The following COL4A2 variants were observed in gnomAD, a reference collection of about 807,000 sequenced individuals.
COL4A2 encodes collagen type IV alpha 2 chain.
Under a neutral mutation model 200.2 loss-of-function variants are expected in COL4A2, and 99 were observed. The ratio of observed to expected loss-of-function variants is 0.49; its 90% CI spans 0.42 to 0.58. COL4A2 has a LOEUF of 0.58. Ranked by LOEUF, COL4A2 falls within the 20% of genes least tolerant of loss-of-function variation. The probability of loss-of-function intolerance (pLI) is 0.00; values close to 1 mark genes in which losing one functional copy is unlikely to be tolerated. For synonymous variants in COL4A2, 897 were observed against 900.6 expected (o/e 1.00, Z 0.07); for missense variants, 1,950 against 2,314.1 (o/e 0.84, Z 3.23).
intron 4 of COL4A2, among the ~76,000 whole-genome samples, chr13:110,374,549 C>T (rs1305446869): frequency 6.6e-6 from 1 of 152,244 alleles, no homozygotes; most frequent in Admixed American, 6.5e-5. Context: ...TTTTCCCCAT[C>T]TGTTTGCGTT....
intron 4 of COL4A2, among the ~76,000 whole-genome samples, chr13:110,407,135 T>C (rs1879602989): frequency 6.6e-6 from 1 of 152,204 alleles, no homozygotes; most frequent in East Asian, 1.9e-4. Flanking sequence ...ATAATTGATA[T>C]TTACTTGCAT....
rs74941798 is a variant in COL4A2 at position 110,449,779 on chromosome 13, C to T, written c.1179C>T (p.Ile393=). ...PGLPGPPGLS[I]GDGDQRRGLP... is the part of the protein sequence containing the mutation. Reference sequence around the variant, plus strand: ...TCCCAGGTCCCCCTGGCCTCTCCATCGGAGATGGAGGTAATGTGGCTTCAT... The same window carrying T: ...TCCCAGGTCCCCCTGGCCTCTCCATTGGAGATGGAGGTAATGTGGCTTCAT... Residue 393 remains isoleucine (I), a synonymous_variant, in exon 19 of 48, where the codon ATC becomes ATT. Transcript: ENST00000360467. 586,327 of 1,547,352 alleles carry T rather than the reference C, an allele frequency of 0.38. 116,175 individuals are homozygous for T. The highest frequency in any genetic ancestry group is 0.41 in the Non-Finnish European group (469,715 of 1,146,126).
intron 3 of COL4A2, among the ~76,000 whole-genome samples, chr13:110,349,800 G>A (rs1050251752): frequency 3.3e-5 from 5 of 151,056 alleles, no homozygotes; most frequent in African/African-American, 4.9e-5. Context: ...GTCTCACTCC[G>A]TCACCCAGGC....
chr13:110,391,716 G>A (rs372724097), intron 4 of COL4A2, among the ~76,000 whole-genome samples: 1 of 152,198 alleles, frequency 6.6e-6, no homozygotes, highest in Admixed American at 6.5e-5. Context: ...TCGTCATTGG[G>A]ATTCGAGGTA....
At chr13:110,426,760 A>C (rs754724483) in intron 6 of COL4A2, among the ~76,000 whole-genome samples, 1 of 152,240 alleles carries the variant, frequency 6.6e-6, no homozygotes, top group Non-Finnish European at 1.5e-5. Context: ...ACGGCAGACA[A>C]ATAATAGAGA....
chr13:110,439,540 G>T (rs974405256), intron 15 of COL4A2, among the ~76,000 whole-genome samples: 4 of 152,108 alleles, frequency 2.6e-5, no homozygotes, highest in African/African-American at 9.7e-5. Flanking sequence ...TGCTTTCTTC[G>T]AGCCTTTTTA....
At chr13:110,430,954 G>A in intron 10 of COL4A2, 1 of 481,440 alleles carries the variant, frequency 2.1e-6, no homozygotes, top group South Asian at 1.6e-5. Context: ...GGTTCATAAG[G>A]AGGAAATGGA....
chr13:110,501,537 G>A, intron 40 of COL4A2, 131 bp from the exon 41 acceptor site: 1 of 840,534 alleles, frequency 1.2e-6, no homozygotes, highest in Admixed American at 2.0e-5. Flanking sequence ...TCCTTGGCCT[G>A]AGGGCACCTC....
At position 110,318,230 on chromosome 13, in the gene COL4A2, C is replaced by G. The variant is rs577368602; in HGVS notation, c.99+10107C>G. ...GATGCTGCTAGGAATAATTCACTCA[C>G]GAGTTCTAGAACACCATGGACTCGT... On this transcript the variant is annotated intron_variant, in intron 3 of 47. Coordinates refer to ENST00000360467, the MANE Select transcript of COL4A2 (RefSeq NM_001846.4). 7.9e-5 allele frequency among the ~76,000 whole-genome samples: 12 copies of G among 152,296 alleles called. No individual in the cohort carries two copies. In the South Asian group the frequency reaches 2.5e-3, roughly 32 times the overall value.
rs987716197 is a variant in COL4A2 at position 110,493,832 on chromosome 13, G to A, written c.3634+550G>A. Among the ~76,000 whole-genome samples, 5 of 152,132 alleles carry A rather than the reference G, an allele frequency of 3.3e-5. No individual in the cohort carries two copies. The East Asian group carries it at 5.8e-4, about 18-fold the overall frequency. ...GTGGTCGGGTTCTGGGGGGGGCCGCGTCCTGGCTGCTCGCTGTGTCCTCAC... is the reference window on the plus strand; with the variant it reads ...GTGGTCGGGTTCTGGGGGGGGCCGCATCCTGGCTGCTCGCTGTGTCCTCAC... On this transcript the variant is annotated intron_variant, in intron 39 of 47. Transcript: ENST00000360467.
At position 110,438,601 on chromosome 13, in the gene COL4A2, C is replaced by G. The variant is rs1378187858; in HGVS notation, c.862-17C>G. On this transcript the variant is annotated splice_polypyrimidine_tract_variant and intron_variant, in intron 14 of 47. Coordinates refer to ENST00000360467, the MANE Select transcript of COL4A2 (RefSeq NM_001846.4). ...CGCCCCTGGGTTGCTCCTTACGCCC[C>G]CTCTGCTCTCTCCTAGGGCATTTCC... 2 of 1,614,210 alleles carry G rather than the reference C, an allele frequency of 1.2e-6. No individual in the cohort carries two copies. Among genetic ancestry groups the G allele is most frequent in the Non-Finnish European group, 1.7e-6 (2 of 1,180,038 alleles).
intron 17 of COL4A2, among the ~76,000 whole-genome samples, chr13:110,446,485 A>G (rs1057254098): frequency 5.3e-5 from 8 of 152,306 alleles, no homozygotes; most frequent in Middle Eastern, 6.8e-3. Flanking sequence ...CGGCTCGGCT[A>G]TCACTACCCA....
intron 3 of COL4A2, among the ~76,000 whole-genome samples, chr13:110,347,490 T>G (rs1594161040): frequency 6.6e-6 from 1 of 152,342 alleles, no homozygotes; most frequent in East Asian, 1.9e-4. Flanking sequence ...ATGTTCCCAG[T>G]TGGCCCCTCA....
chr13:110,380,857 C>A (rs1403860575), intron 4 of COL4A2, among the ~76,000 whole-genome samples: 1 of 148,788 alleles, frequency 6.7e-6, no homozygotes, highest in Non-Finnish European at 1.5e-5. Flanking sequence ...AGCTCTATCT[C>A]ACACCCACGG....
In COL4A2 at chr13:110,503,838, C is replaced by G; in HGVS notation, c.4139-9C>G. ...TGTGTTTACTGGGGCCTCTCTGTTT[C>G]CCTTCCAGGTGCCCCCGGGACTGTG... On this transcript the variant is annotated splice_polypyrimidine_tract_variant and intron_variant, in intron 43 of 47. Coordinates refer to ENST00000360467, the MANE Select transcript of COL4A2 (RefSeq NM_001846.4). 2.5e-6 allele frequency: 4 copies of G among 1,613,928 alleles called. No individual in the cohort carries two copies. Among genetic ancestry groups the G allele is most frequent in the Non-Finnish European group, 3.4e-6 (4 of 1,179,876 alleles).
rs1343956258 is a variant in COL4A2, at chr13:110,503,910, C to T, written c.4202C>T (p.Pro1401Leu). The change falls in exon 44 of 48, where the codon CCA (proline) becomes CTA (leucine). Residue 1401 changes from proline to leucine, a missense_variant. Coordinates refer to ENST00000360467, the MANE Select transcript of COL4A2 (RefSeq NM_001846.4). The stretch of plus-strand genomic sequence containing the variant: ...ATCCCCCAGAAGATTGCCGTCCAAC[C>T]AGGGACAGTGGGTCCCCAGGGGAGG... Reference protein sequence around the residue: ...AGIPQKIAVQPGTVGPQGRRG... With the variant: ...AGIPQKIAVQLGTVGPQGRRG... 3 of 1,612,686 alleles carry T rather than the reference C, an allele frequency of 1.9e-6. No individual in the cohort carries two copies. The highest frequency in any genetic ancestry group is 2.2e-5 in the East Asian group (1 of 44,828).
At chr13:110,464,071 G>T (rs1039585647) in intron 24 of COL4A2, among the ~76,000 whole-genome samples, 1 of 152,192 alleles carries the variant, frequency 6.6e-6, no homozygotes, top group Admixed American at 6.5e-5. Flanking sequence ...GGTGTGTGGT[G>T]TGCTCATGTG....
intron 4 of COL4A2, among the ~76,000 whole-genome samples, chr13:110,393,843 C>CA (rs1879086708): frequency 6.6e-6 from 1 of 152,184 alleles, no homozygotes; most frequent in South Asian, 2.1e-4. Context: ...CGCACCACTG[C>CA]ACTCCAGCCT....
Position 110,358,203 on chromosome 13 carries a change from A to T in COL4A2, c.180+651A>T, listed in dbSNP as rs535364216. Among the ~76,000 whole-genome samples the T allele has an allele frequency of 3.4e-3, 516 of 151,880 alleles. 2 individuals are homozygous for T. Among genetic ancestry groups the T allele is most frequent in the South Asian group, 0.016 (75 of 4,802 alleles). Reference sequence around the variant, plus strand: ...TTCGATGTTTTTTTCTATTAAAAAAATTTTTTTTTACTTTTTAAACTTTTT... The same window carrying T: ...TTCGATGTTTTTTTCTATTAAAAAATTTTTTTTTTACTTTTTAAACTTTTT... On this transcript the variant is annotated intron_variant, in intron 4 of 47. Coordinates refer to ENST00000360467, the MANE Select transcript of COL4A2 (RefSeq NM_001846.4).
Sources: allele counts gnomAD v4.1 joint callset (sites outside exome capture counted in the v4.1 genomes callset), GRCh38; gene constraint gnomAD v4.1.1; transcripts MANE v1.5; gene names NCBI Gene and HGNC (gene_info 2026-07-23, HGNC 2026-07-21).